The following CDH23 variants were observed in gnomAD, a reference collection of about 807,000 sequenced individuals.
CDH23 encodes cadherin related 23, also known as cadherin-23.
A neutral mutation model predicts 317.1 loss-of-function variants in CDH23; 189 were observed. That is an observed-to-expected ratio of 0.60 (90% CI 0.53 to 0.67). The LOEUF is 0.67. Among genes scored for constraint, CDH23 ranks in the 30% least tolerant of loss-of-function variants. The probability of loss-of-function intolerance (pLI) is 0.00; values close to 1 mark genes in which losing one functional copy is unlikely to be tolerated. For missense variants in CDH23, 4,401 were observed against 4,592.4 expected (o/e 0.96, Z 1.20); for synonymous variants, 1,839 against 1,876.8 (o/e 0.98, Z 0.52).
intron 38 of CDH23, among the ~76,000 whole-genome samples, chr10:71,742,458 C>CA (rs1209049422): frequency 1.3e-5 from 2 of 152,196 alleles, no homozygotes; most frequent in African/African-American, 4.8e-5. Context: ...CTGCCCAAGG[C>CA]AATGTTCAAA....
At chr10:71,443,743 C>G (rs898131253) in intron 2 of CDH23, among the ~76,000 whole-genome samples, 2 of 152,242 alleles carry the variant, frequency 1.3e-5, no homozygotes, top group Non-Finnish European at 2.9e-5. Flanking sequence ...CCCTCCCCTT[C>G]TACATCCACT....
At chr10:71,479,886 G>A (rs916264961) in intron 3 of CDH23, among the ~76,000 whole-genome samples, 3 of 152,212 alleles carry the variant, frequency 2.0e-5, no homozygotes, top group African/African-American at 7.2e-5. Context: ...CAGAGACATG[G>A]CTGAGATGAT....
rs1438315519 is a variant in CDH23, at chr10:71,429,036, CTCTG to C, written c.-5-10789_-5-10786del. On this transcript the variant is annotated intron_variant, in intron 1 of 69. Transcript: ENST00000224721. ...ATATTTTCTGTAGGTTGCGTTTTTA[CTCTG>C]TTGATAGTGTCCTCTGATGCATAAA... Among the ~76,000 whole-genome samples the C allele has an allele frequency of 4.9e-4, 75 of 152,160 alleles. 1 individual carries two copies. The highest frequency in any genetic ancestry group is 4.9e-3 in the Admixed American group (75 of 15,282).
At chr10:71,742,793 CAAACA>C (rs1335318169) in intron 38 of CDH23, among the ~76,000 whole-genome samples, 14 of 152,210 alleles carry the variant, frequency 9.2e-5, no homozygotes, top group African/African-American at 2.9e-4. Flanking sequence ...CCTTACAAAC[CAAACA>C]AAACAGAGGA....
intron 6 of CDH23, among the ~76,000 whole-genome samples, chr10:71,550,105 T>C (rs1454183182): frequency 6.6e-6 from 1 of 152,178 alleles, no homozygotes; most frequent in Non-Finnish European, 1.5e-5. Context: ...TCTCAGGAGC[T>C]AGGAATAAGG....
chr10:71,630,340 A>G (rs10733884), intron 11 of CDH23, among the ~76,000 whole-genome samples: 77,917 of 151,318 alleles, frequency 0.51, 20,995 homozygotes, highest in Non-Finnish European at 0.62. Context: ...TTTTTAAAGG[A>G]TGCTGTGTCT....
Position 71,690,462 on chromosome 10 carries a change from C to T in CDH23, c.2060-6C>T. The T allele has an allele frequency of 1.3e-6, 2 of 1,589,036 alleles. No homozygotes were observed. ...ACCCCCTGCCCCCACCTTTTTCCCC[C>T]TGAAGGAGCCACGGTGCTGTTCCTG... On this transcript the variant is annotated splice_region_variant and splice_polypyrimidine_tract_variant and intron_variant, in intron 19 of 69. Transcript: ENST00000224721.
At chr10:71,694,123 C>T (rs758831964) in intron 20 of CDH23, 24 bp from the exon 21 acceptor site, 35 of 1,590,134 alleles carry the variant, frequency 2.2e-5, no homozygotes, top group East Asian at 1.1e-4. Flanking sequence ...AACCCTCTCA[C>T]GCACCCACTT....
intron 1 of CDH23, among the ~76,000 whole-genome samples, chr10:71,398,644 A>C (rs1349181027): frequency 6.6e-6 from 1 of 152,014 alleles, no homozygotes; most frequent in East Asian, 1.9e-4. Flanking sequence ...GGGTAGGCGC[A>C]CTGCGGTCAG....
In CDH23 at chr10:71,803,290, T is replaced by C. The variant is rs774306714; in HGVS notation, c.7742T>C (p.Val2581Ala). Residue 2581 changes from valine to alanine, a missense_variant, in exon 55 of 70, where the codon GTG becomes GCG. Physicochemically the swap from Val to Ala is moderately conservative, Grantham distance 64. Coordinates refer to ENST00000224721, the MANE Select transcript of CDH23 (RefSeq NM_022124.6). ...LQSYEKFSLT[V>A]VATDGGEPPL... Reference sequence around the variant, plus strand: ...TCCTACGAGAAGTTCAGTCTGACCGTGGTGGCCACAGATGGTGGAGAGCCC... The same window carrying C: ...TCCTACGAGAAGTTCAGTCTGACCGCGGTGGCCACAGATGGTGGAGAGCCC... The C allele has an allele frequency of 3.8e-6, 6 of 1,590,456 alleles. No homozygotes were observed. The East Asian group carries it at 1.2e-4, about 31-fold the overall frequency.
rs532130952 is a variant in CDH23, at chr10:71,429,581, A to T, written c.-5-10246A>T. Among the ~76,000 whole-genome samples, 4 of 152,196 alleles carry T rather than the reference A, an allele frequency of 2.6e-5. No homozygotes were observed. In the South Asian group the frequency reaches 8.3e-4, roughly 32 times the overall value. ...ATGAGCTGGCAGGTTTGAGGCTGAG[A>T]GGGGCTAGTGTGGCTGAAATACAGT... On this transcript the variant is annotated intron_variant, in intron 1 of 69. Coordinates refer to ENST00000224721, the MANE Select transcript of CDH23 (RefSeq NM_022124.6).
At chr10:71,443,020 G>T (rs1187723964) in intron 2 of CDH23, among the ~76,000 whole-genome samples, 1 of 152,222 alleles carries the variant, frequency 6.6e-6, no homozygotes, top group Non-Finnish European at 1.5e-5. Context: ...AGCATGCAAA[G>T]TCCCTGACTC....
intron 8 of CDH23, among the ~76,000 whole-genome samples, chr10:71,577,223 C>G (rs1320393863): frequency 6.6e-6 from 1 of 152,216 alleles, no homozygotes. Flanking sequence ...GAACGCGTTC[C>G]CCTGGCTTCC....
At chr10:71,554,183 T>C (rs1051621302) in intron 6 of CDH23, among the ~76,000 whole-genome samples, 4 of 152,182 alleles carry the variant, frequency 2.6e-5, no homozygotes, top group African/African-American at 9.7e-5. Context: ...GGTTTTCTTT[T>C]TTGTTTTGTC....
At chr10:71,695,961 C>T (rs1283298203) in intron 22 of CDH23, among the ~76,000 whole-genome samples, 4 of 152,362 alleles carry the variant, frequency 2.6e-5, no homozygotes, top group East Asian at 3.9e-4. Flanking sequence ...ACCTCCCCCA[C>T]GGGCTGGCCC....
chr10:71,750,960 T>A (rs1839983348), intron 38 of CDH23: 2 of 385,598 alleles, frequency 5.2e-6, no homozygotes, highest in East Asian at 8.7e-5. Flanking sequence ...CTGGACGTTC[T>A]GAGACTTCTT....
chr10:71,726,877 C>G (rs1000686216), intron 30 of CDH23, among the ~76,000 whole-genome samples: 1 of 152,222 alleles, frequency 6.6e-6, no homozygotes, highest in African/African-American at 2.4e-5. Flanking sequence ...CCATCAGTGC[C>G]TCAGCATTGT....
At chr10:71,625,893 C>A (rs1257839409) in intron 11 of CDH23, among the ~76,000 whole-genome samples, 1 of 152,200 alleles carries the variant, frequency 6.6e-6, no homozygotes, top group African/African-American at 2.4e-5. Flanking sequence ...CCGCAGCATT[C>A]TTTTAATTAC....
rs1474336814 is a variant in CDH23, at chr10:71,724,054, A to G, written c.3379A>G (p.Thr1127Ala). The G allele has an allele frequency of 6.4e-7, 1 of 1,559,790 alleles. No individual in the cohort carries two copies. The highest frequency in any genetic ancestry group is 1.4e-5 in the African/African-American group (1 of 73,614). The change falls in exon 29 of 70, where the codon ACG becomes GCG. Residue 1127 changes from threonine to alanine, a missense_variant. By Grantham distance (58) the Thr-to-Ala change is moderately conservative. Transcript: ENST00000224721. ...EGHSILQLKA[T>A]DADEGEFGRV... is the part of the protein sequence containing the mutation. ...TCTCATTCTTCCTCAGCTGAAAGCC[A>G]CGGACGCAGATGAGGGCGAGTTTGG...
Sources: gnomAD v4.1 joint callset for allele counts (sites outside exome capture counted in the v4.1 genomes callset) on GRCh38, gnomAD v4.1.1 for gene constraint, MANE v1.5 for transcripts, NCBI Gene and HGNC (gene_info 2026-07-23, HGNC 2026-07-21) for gene names.